SEMA3A: variants seen among roughly 807,000 people sequenced by gnomAD.
SEMA3A encodes semaphorin-3A.
In SEMA3A, 29 loss-of-function variants were observed where a neutral mutation model predicts 97.9. That is an observed-to-expected ratio of 0.30 (90% confidence interval 0.22 to 0.40). SEMA3A has a LOEUF of 0.40. Ranked by LOEUF, SEMA3A falls within the 10% of genes least tolerant of loss-of-function variation. The probability of loss-of-function intolerance (pLI) is 1.00; values close to 1 mark genes in which losing one functional copy is unlikely to be tolerated. For synonymous variants in SEMA3A, 321 were observed against 323.7 expected, an observed-to-expected ratio of 0.99 and a Z score of 0.09; for missense variants, 763 against 951.3, an observed-to-expected ratio of 0.80 and a Z score of 2.60.
At chr7:83,973,177 G>A (rs750086696) in intron 15 of SEMA3A, among the ~76,000 whole-genome samples, 13 of 152,010 alleles carry the variant, frequency 8.6e-5, no homozygotes, top group East Asian at 1.9e-4. Context: ...GTGTGAATTC[G>A]GAAAGTAAAT....
chr7:84,324,751 CA>C (rs1801732034), intron 2 of SEMA3A, among the ~76,000 whole-genome samples: 1 of 151,366 alleles, frequency 6.6e-6, no homozygotes, highest in South Asian at 2.1e-4. Flanking sequence ...AAATACATAC[CA>C]AAATATGCTT....
At chr7:83,979,763 C>T (rs1789316516) in intron 14 of SEMA3A, among the ~76,000 whole-genome samples, 1 of 151,926 alleles carries the variant, frequency 6.6e-6, no homozygotes, top group Non-Finnish European at 1.5e-5. Context: ...GTGTTTTAAT[C>T]CTTTGGACTA....
At chr7:84,376,130 TA>T (rs919388266) in intron 1 of SEMA3A, among the ~76,000 whole-genome samples, 16 of 152,344 alleles carry the variant, frequency 1.1e-4, no homozygotes, top group African/African-American at 3.4e-4. Context: ...ATATCTAGGC[TA>T]TTGTGAATAG....
intron 3 of SEMA3A, among the ~76,000 whole-genome samples, chr7:84,240,851 CTG>C (rs1378825816): frequency 6.6e-6 from 1 of 152,116 alleles, no homozygotes; most frequent in East Asian, 1.9e-4. Context: ...TGAGAACATG[CTG>C]TGTTTGGTTT....
In SEMA3A at chr7:83,959,142, T is replaced by C. The variant is rs1439311567; in HGVS notation, c.*2229A>G. 1 of 152,092 alleles carries C rather than the reference T, an allele frequency of 6.6e-6. No individual in the cohort carries two copies. Among genetic ancestry groups the C allele is most frequent in the African/African-American group, 2.4e-5 (1 of 41,472 alleles). The allele number at this position is 152,092 out of a possible 1,614,324, so 9.4% of individuals were successfully genotyped here. A position where few individuals can be genotyped will look rare whatever the true frequency, so the allele number is the denominator to read the frequency against. On this transcript the variant is annotated 3_prime_UTR_variant, in exon 17 of 17. Transcript: ENST00000265362. ...GTCGAGACTTTTTTCTATTGTCATT[T>C]CATAACACTAAACAAAATGCATTCA...
At chr7:83,989,625 T>C (rs1049816640) in intron 12 of SEMA3A, among the ~76,000 whole-genome samples, 6 of 127,894 alleles carry the variant, frequency 4.7e-5, no homozygotes, top group African/African-American at 1.8e-4. Flanking sequence ...ATTTCATCCA[T>C]GTCCCTACAA....
chr7:84,471,858 A>C (rs1806161312), intron 1 of SEMA3A, among the ~76,000 whole-genome samples: 1 of 151,782 alleles, frequency 6.6e-6, no homozygotes, highest in Non-Finnish European at 1.5e-5. Flanking sequence ...ATTCCAATAC[A>C]AATTTGCTGC....
chr7:84,321,745 G>A (rs922663890), intron 2 of SEMA3A, among the ~76,000 whole-genome samples: 5 of 151,558 alleles, frequency 3.3e-5, no homozygotes, highest in East Asian at 3.9e-4. Context: ...GCGTGGTGGC[G>A]CACGCCTCTA....
chr7:84,016,756 CAT>C (rs1349596952), intron 6 of SEMA3A, among the ~76,000 whole-genome samples: 1 of 152,108 alleles, frequency 6.6e-6, no homozygotes, highest in Non-Finnish European at 1.5e-5. Context: ...AAGCCTAAGA[CAT>C]GTGAAACAAA....
At chr7:84,214,721 CAG>C (rs958545281) in intron 3 of SEMA3A, among the ~76,000 whole-genome samples, 1 of 137,422 alleles carries the variant, frequency 7.3e-6, no homozygotes, top group African/African-American at 2.8e-5. Context: ...TTTTTTGAGA[CAG>C]AGTCTTGCAC....
chr7:83,959,354 A>G lies in SEMA3A; in HGVS notation c.*2017T>C, dbSNP rs1196106036. The G allele has an allele frequency of 6.6e-6, 1 of 152,024 alleles. No individual in the cohort carries two copies. The highest frequency in any genetic ancestry group is 1.9e-4 in the East Asian group (1 of 5,186). The allele number at this position is 152,024 out of a possible 1,614,324, so 9.4% of individuals were successfully genotyped here. On this transcript the variant is annotated 3_prime_UTR_variant, in exon 17 of 17. Coordinates refer to ENST00000265362, the MANE Select transcript of SEMA3A (RefSeq NM_006080.3). ...CTTTATGAAAATAAAAGAATGACCTATTTTTTGGAGCACTCTTTGTTCTTC... is the reference window on the plus strand; with the variant it reads ...CTTTATGAAAATAAAAGAATGACCTGTTTTTTGGAGCACTCTTTGTTCTTC...
intron 2 of SEMA3A, among the ~76,000 whole-genome samples, chr7:84,368,995 A>G (rs1802914145): frequency 1.3e-5 from 2 of 151,048 alleles, no homozygotes; most frequent in Admixed American, 6.6e-5. Context: ...AAAACTGCAG[A>G]TCTCACTAGA....
chr7:84,435,353 T>C (rs920445666), intron 1 of SEMA3A, among the ~76,000 whole-genome samples: 2 of 152,166 alleles, frequency 1.3e-5, no homozygotes, highest in South Asian at 2.1e-4. Flanking sequence ...CTCATGCCTG[T>C]AATCCCAGCA....
At chr7:84,373,881 T>C (rs961337863) in intron 1 of SEMA3A, among the ~76,000 whole-genome samples, 5 of 152,222 alleles carry the variant, frequency 3.3e-5, no homozygotes, top group Non-Finnish European at 7.3e-5. Context: ...TTAACATTAG[T>C]ATTTACTATT....
chr7:84,212,112 AACAGAGGTGGT>A (rs2116320396), intron 3 of SEMA3A, among the ~76,000 whole-genome samples: 1 of 152,326 alleles, frequency 6.6e-6, no homozygotes, highest in South Asian at 2.1e-4. Flanking sequence ...CCCCATGAAG[AACAGAGGTGGT>A]AGCAGAAAAA....
intron 1 of SEMA3A, among the ~76,000 whole-genome samples, chr7:84,376,218 C>A (rs896159487): frequency 6.6e-6 from 1 of 152,136 alleles, no homozygotes; most frequent in African/African-American, 2.4e-5. Flanking sequence ...AGTGGGATTG[C>A]TGGATCATAA....
intron 1 of SEMA3A, among the ~76,000 whole-genome samples, chr7:84,462,134 A>G (rs1805861927): frequency 6.6e-6 from 1 of 152,134 alleles, no homozygotes; most frequent in Non-Finnish European, 1.5e-5. Flanking sequence ...CTTAACATTT[A>G]TAAAGCATTT....
At chr7:84,432,523 A>G (rs566738698) in intron 1 of SEMA3A, among the ~76,000 whole-genome samples, 21 of 152,082 alleles carry the variant, frequency 1.4e-4, no homozygotes, top group African/African-American at 2.2e-4. Flanking sequence ...TAGTTTTTCA[A>G]CCCTTCACAT....
intron 2 of SEMA3A, among the ~76,000 whole-genome samples, chr7:84,316,007 A>C (rs1375648244): frequency 1.3e-5 from 2 of 150,918 alleles, no homozygotes; most frequent in Non-Finnish European, 1.5e-5. Context: ...TTATTTAGAA[A>C]AAGAATGGGA....
Sources: gnomAD v4.1 joint callset for allele counts (sites outside exome capture counted in the v4.1 genomes callset) on GRCh38, gnomAD v4.1.1 for gene constraint, MANE v1.5 for transcripts, NCBI Gene and HGNC (gene_info 2026-07-23, HGNC 2026-07-21) for gene names.